Variants in AP2M1 observed in about 807,000 individuals in gnomAD.
AP2M1 encodes adaptor related protein complex 2 subunit mu 1.
Under a neutral mutation model 54.5 loss-of-function variants are expected in AP2M1, and 5 were observed. The observed-to-expected ratio is 0.09, with a 90% CI of 0.05 to 0.19. AP2M1 has a LOEUF of 0.19. AP2M1 is among the 10% of genes least tolerant of loss of function. AP2M1 has a pLI of 1.00. For synonymous variants in AP2M1, 186 were observed against 208.2 expected, an observed-to-expected ratio of 0.89 and a Z score of 0.92; for missense variants, 178 against 580.2, an observed-to-expected ratio of 0.31 and a Z score of 7.12.
Position 184,180,244 on chromosome 3 carries a change from A to G in AP2M1, c.416A>G (p.Lys139Arg). 6.2e-7 allele frequency: 1 copy of G among 1,614,220 alleles called. No individual in the cohort carries two copies. Among genetic ancestry groups the G allele is most frequent in the Non-Finnish European group, 8.5e-7 (1 of 1,180,028 alleles). Residue 139 changes from lysine (K) to arginine (R), a missense_variant, in exon 4 of 12, where the codon AAG becomes AGG. Around this residue, in one of 5 missense-constraint regions of AP2M1, gnomAD observed 115 missense variants for 331.2 expected, o/e 0.35. Coordinates refer to ENST00000292807, the MANE Select transcript of AP2M1 (RefSeq NM_004068.4). The surrounding 1 kb of genome is among the most constrained non-coding windows in gnomAD (Gnocchi z 4.9). ...LKTFITQQGI[K>R]SQHQTKEEQS... The stretch of plus-strand genomic sequence containing the variant: ...ACCTTCATCACGCAGCAGGGCATCA[A>G]GAGTCAGGTACTTGAATTGTGCAGA...
rs3749230 is a variant in AP2M1 at position 184,176,232 on chromosome 3, G to C, written c.-43-719G>C. On this transcript the variant is annotated intron_variant, in intron 1 of 11. Coordinates refer to ENST00000292807, the MANE Select transcript of AP2M1 (RefSeq NM_004068.4). ...TTGCATTCCAGAGCTTTTTGAAAGG[G>C]GGGTGGTAATCAGAAATAACTGTAA... Among the ~76,000 whole-genome samples the C allele has an allele frequency of 2.4e-4, 37 of 152,214 alleles. 4 individuals carry two copies. In the East Asian group the frequency reaches 7.1e-3, roughly 29 times the overall value.
In AP2M1 at chr3:184,182,897, G is replaced by A; in HGVS notation, c.1173+29G>A. Reference sequence around the variant, plus strand: ...TGGCAGAGGAGGGGCCTAGAGTCATGCCAGGGTATGCTGGAAGACCTCTTA... The same window carrying A: ...TGGCAGAGGAGGGGCCTAGAGTCATACCAGGGTATGCTGGAAGACCTCTTA... On this transcript the variant is annotated intron_variant, in intron 11 of 11. Transcript: ENST00000292807. This position sits in a 1 kb window ranked among gnomAD's most constrained non-coding sequence, Gnocchi z 5.5. 6.3e-7 allele frequency: 1 copy of A among 1,580,696 alleles called. No homozygotes were observed. The highest frequency in any genetic ancestry group is 8.7e-7 in the Non-Finnish European group (1 of 1,151,190).
At position 184,178,269 on chromosome 3, in the gene AP2M1, C is replaced by T; in HGVS notation, c.75-588C>T. 9 of 1,531,716 alleles carry T rather than the reference C, an allele frequency of 5.9e-6. No homozygotes were observed. The highest frequency in any genetic ancestry group is 7.0e-6 in the Non-Finnish European group (8 of 1,142,840). 94.9% of individuals were successfully genotyped at this position (1,531,716 alleles called of 1,614,324 possible). ...CTGCCCAGGTACAGGTGGGTGGGGG[C>T]CTGCCCCCATCGTTTTCCTGCATCC... On this transcript the variant is annotated intron_variant, in intron 2 of 11. Transcript: ENST00000292807. This position sits in a 1 kb window ranked among gnomAD's most constrained non-coding sequence, Gnocchi z 4.9.
In AP2M1 at chr3:184,180,395, G is replaced by A. The variant is rs1715231619; in HGVS notation, c.423+144G>A. ...GAGCCTCCTGCCATGATTGCAGGCC[G>A]ATTTTGCTCTGTGTGGTCCTCCCAC... is the stretch of plus-strand genomic sequence containing the variant. On this transcript the variant is annotated intron_variant, in intron 4 of 11. Coordinates refer to ENST00000292807, the MANE Select transcript of AP2M1 (RefSeq NM_004068.4). The surrounding 1 kb of genome is among the most constrained non-coding windows in gnomAD (Gnocchi z 4.9). 6.2e-5 allele frequency: 72 copies of A among 1,157,586 alleles called. No individual in the cohort carries two copies. In the South Asian group the frequency reaches 8.1e-4, roughly 13 times the overall value. 71.7% of individuals were successfully genotyped at this position (1,157,586 alleles called of 1,614,324 possible).
At position 184,184,035 on chromosome 3, in the gene AP2M1, A is replaced by G. The variant is rs1715361390; in HGVS notation, c.*419A>G. ...TCTGCTTTGGGATAGTGTGAGCTTC[A>G]TTTTGTACACGTGTGACTTCGTCCA... On this transcript the variant is annotated 3_prime_UTR_variant, in exon 12 of 12. Coordinates refer to ENST00000292807, the MANE Select transcript of AP2M1 (RefSeq NM_004068.4). 1 of 190,926 alleles carries G rather than the reference A, an allele frequency of 5.2e-6. No homozygotes were observed. The highest frequency in any genetic ancestry group is 1.1e-4 in the South Asian group (1 of 9,404). 11.8% of individuals were successfully genotyped at this position (190,926 alleles called of 1,614,324 possible).
chr3:184,176,839 C>A (rs1715089228), intron 1 of AP2M1, 112 bp from the exon 2 acceptor site: 2 of 657,964 alleles, frequency 3.0e-6, no homozygotes, highest in South Asian at 2.2e-5. Flanking sequence ...GCTGCAGGGT[C>A]ACTTACTAAA....
rs1389986610 is a variant in AP2M1 at position 184,177,511 on chromosome 3, G to C, written c.74+444G>C. On this transcript the variant is annotated intron_variant, in intron 2 of 11. Coordinates refer to ENST00000292807, the MANE Select transcript of AP2M1 (RefSeq NM_004068.4). Reference sequence around the variant, plus strand: ...TGGATTCTGTTGAAAGCCCCTCCAGGCTGCCCAATCCTCTCCTGCTCCCTT... The same window carrying C: ...TGGATTCTGTTGAAAGCCCCTCCAGCCTGCCCAATCCTCTCCTGCTCCCTT... The C allele has an allele frequency of 1.3e-6, 2 of 1,529,452 alleles. 1 individual carries two copies. Among genetic ancestry groups the C allele is most frequent in the Non-Finnish European group, 1.8e-6 (2 of 1,141,160 alleles). 94.7% of individuals were successfully genotyped at this position (1,529,452 alleles called of 1,614,324 possible).
At chr3:184,179,419 C>T in intron 3 of AP2M1, 1 of 390,392 alleles carries the variant, frequency 2.6e-6, no homozygotes, top group East Asian at 5.3e-5. Context: ...TCCTTTGTGG[C>T]TTGGACCTTA....
Position 184,183,338 on chromosome 3 carries a change from G to C in AP2M1, c.1174-144G>C. 1 of 1,260,654 alleles carries C rather than the reference G, an allele frequency of 7.9e-7. No individual in the cohort carries two copies. Among genetic ancestry groups the C allele is most frequent in the Non-Finnish European group, 1.1e-6 (1 of 906,980 alleles). 78.1% of individuals were successfully genotyped at this position (1,260,654 alleles called of 1,614,324 possible). On this transcript the variant is annotated intron_variant, in intron 11 of 11. Coordinates refer to ENST00000292807, the MANE Select transcript of AP2M1 (RefSeq NM_004068.4). This position sits in a 1 kb window ranked among gnomAD's most constrained non-coding sequence, Gnocchi z 5.7. ...TTCTTCTTTAGTCACCTCTTAGAAG[G>C]TCCCACGCCGCCCCAGCTTCTTTCA...
At position 184,181,653 on chromosome 3, in the gene AP2M1, C is replaced by A; in HGVS notation, c.708-43C>A. 1 of 1,607,056 alleles carries A rather than the reference C, an allele frequency of 6.2e-7. No individual in the cohort carries two copies. The highest frequency in any genetic ancestry group is 1.1e-5 in the South Asian group (1 of 90,922). On this transcript the variant is annotated intron_variant, in intron 7 of 11. Transcript: ENST00000292807. The surrounding 1 kb of genome is among the most constrained non-coding windows in gnomAD (Gnocchi z 5.7). ...AGTGGTCTCCCAGCATGACAGCTGT[C>A]ATTCTCCTGTACCAATGAGACCTCT...
rs1715230460 is a variant in AP2M1, at chr3:184,180,364, TG to T, written c.423+115del. On this transcript the variant is annotated intron_variant, in intron 4 of 11. Coordinates refer to ENST00000292807, the MANE Select transcript of AP2M1 (RefSeq NM_004068.4). This position sits in a 1 kb window ranked among gnomAD's most constrained non-coding sequence, Gnocchi z 4.9. Reference sequence around the variant, plus strand: ...TGAGCCCTCCCATGACAGGAAGTGCTGGCCTGAGCCTCCTGCCATGATTGCA... The same window carrying T: ...TGAGCCCTCCCATGACAGGAAGTGCTGCCTGAGCCTCCTGCCATGATTGCA... 1.4e-5 allele frequency: 19 copies of T among 1,343,300 alleles called. No homozygotes were observed. In the South Asian group the frequency reaches 2.3e-4, roughly 17 times the overall value. 83.2% of individuals were successfully genotyped at this position (1,343,300 alleles called of 1,614,324 possible). A position where few individuals can be genotyped will look rare whatever the true frequency, so the allele number is the denominator to read the frequency against.
At chr3:184,175,136 A>G in intron 1 of AP2M1, 177 bp downstream of exon 1, 1 of 395,252 alleles carries the variant, frequency 2.5e-6, no homozygotes, top group Non-Finnish European at 4.5e-6. Context: ...CCGGGGCGCG[A>G]TTGCAGGGCT....
In AP2M1 at chr3:184,182,846, C is replaced by A; in HGVS notation, c.1151C>A (p.Pro384His). 1 of 1,614,022 alleles carries A rather than the reference C, an allele frequency of 6.2e-7. No individual in the cohort carries two copies. The highest frequency in any genetic ancestry group is 1.1e-5 in the South Asian group (1 of 91,066). ...AACGACAAGAAGAAATGGGCTCGACCCCCCATTTCCATGAACTTTGAGGTA... is the reference window on the plus strand; with the variant it reads ...AACGACAAGAAGAAATGGGCTCGACACCCCATTTCCATGAACTTTGAGGTA... ...PTNDKKKWAR[P>H]PISMNFEVPF... The change falls in exon 11 of 12, where the codon CCC becomes CAC. Residue 384 changes from proline to histidine, a missense_variant. Around this residue, in one of 5 missense-constraint regions of AP2M1, gnomAD observed 59 missense variants for 176.8 expected, o/e 0.33. Coordinates refer to ENST00000292807, the MANE Select transcript of AP2M1 (RefSeq NM_004068.4). This position sits in a 1 kb window ranked among gnomAD's most constrained non-coding sequence, Gnocchi z 5.5.
Position 184,183,644 on chromosome 3 carries a change from C to G in AP2M1, c.*28C>G. 3.1e-6 allele frequency: 5 copies of G among 1,610,104 alleles called. No homozygotes were observed. The highest frequency in any genetic ancestry group is 3.4e-6 in the Non-Finnish European group (4 of 1,178,944). On this transcript the variant is annotated 3_prime_UTR_variant, in exon 12 of 12. Coordinates refer to ENST00000292807, the MANE Select transcript of AP2M1 (RefSeq NM_004068.4). The surrounding 1 kb of genome is among the most constrained non-coding windows in gnomAD (Gnocchi z 5.7). ...GCCACTAGGCAGCTAGCCCACCTCC[C>G]CAGCCACCCTCCTCCACAGGTCCAG...
chr3:184,182,667 C>A lies in AP2M1; in HGVS notation c.1062-90C>A, dbSNP rs953649822. 3 of 1,118,528 alleles carry A rather than the reference C, an allele frequency of 2.7e-6. No individual in the cohort carries two copies. The highest frequency in any genetic ancestry group is 3.1e-5 in the African/African-American group (2 of 64,710). 69.3% of individuals were successfully genotyped at this position (1,118,528 alleles called of 1,614,324 possible). ...TCCTTGTTCTGGCACCTCCTGCAAGCTCCTGGGCTCTCTCCTTGCTTGAAA... is the reference window on the plus strand; with the variant it reads ...TCCTTGTTCTGGCACCTCCTGCAAGATCCTGGGCTCTCTCCTTGCTTGAAA... On this transcript the variant is annotated intron_variant, in intron 10 of 11. Coordinates refer to ENST00000292807, the MANE Select transcript of AP2M1 (RefSeq NM_004068.4). This position sits in a 1 kb window ranked among gnomAD's most constrained non-coding sequence, Gnocchi z 5.5.
At chr3:184,177,470 T>A in intron 2 of AP2M1, 1 of 1,408,938 alleles carries the variant, frequency 7.1e-7, no homozygotes, top group Non-Finnish European at 9.7e-7. Context: ...GCCCTTCCCA[T>A]ATCAAACGCC....
intron 1 of AP2M1, among the ~76,000 whole-genome samples, chr3:184,176,385 G>T (rs1175348630): frequency 6.6e-6 from 1 of 152,166 alleles, no homozygotes; most frequent in Non-Finnish European, 1.5e-5. Context: ...GGGCCTAAGG[G>T]CTCCCTTCTC....
At position 184,183,718 on chromosome 3, in the gene AP2M1, T is replaced by G. The variant is rs1715348944; in HGVS notation, c.*102T>G. 7.3e-7 allele frequency: 1 copy of G among 1,371,154 alleles called. No homozygotes were observed. Among genetic ancestry groups the G allele is most frequent in the East Asian group, 2.4e-5 (1 of 40,950 alleles). 84.9% of individuals were successfully genotyped at this position (1,371,154 alleles called of 1,614,324 possible). A position where few individuals can be genotyped will look rare whatever the true frequency, so the allele number is the denominator to read the frequency against. ...CATCAGTGTCTCCTCCCTCCTGCTT[T>G]GCTGCCTTCCCTTTGCACCAGCCCG... is the stretch of plus-strand genomic sequence containing the variant. On this transcript the variant is annotated 3_prime_UTR_variant, in exon 12 of 12. Coordinates refer to ENST00000292807, the MANE Select transcript of AP2M1 (RefSeq NM_004068.4). The surrounding 1 kb of genome is among the most constrained non-coding windows in gnomAD (Gnocchi z 5.7).
Position 184,178,811 on chromosome 3 carries a change from G to A in AP2M1, c.75-46G>A. On this transcript the variant is annotated intron_variant, in intron 2 of 11. Transcript: ENST00000292807. This position sits in a 1 kb window ranked among gnomAD's most constrained non-coding sequence, Gnocchi z 4.9. ...GCTGTGGTTGATCCTTATGGGGTAA[G>A]GTTCACCTGGGTGCTGAGCAGGCCC... 3.1e-6 allele frequency: 5 copies of A among 1,599,002 alleles called. No individual in the cohort carries two copies. The highest frequency in any genetic ancestry group is 4.3e-6 in the Non-Finnish European group (5 of 1,170,636).
Sources: allele counts gnomAD v4.1 joint callset (sites outside exome capture counted in the v4.1 genomes callset), GRCh38; gene constraint gnomAD v4.1.1; regional missense constraint gnomAD v4.1.1; non-coding constraint Gnocchi (gnomAD v3.1); transcripts MANE v1.5; gene names NCBI Gene and HGNC (gene_info 2026-07-23, HGNC 2026-07-21).